Variants in HPSE2 observed in about 807,000 individuals in gnomAD.
The protein encoded by HPSE2 is heparanase 2 (inactive), also known as inactive heparanase-2.
Under a neutral mutation model 60.5 loss-of-function variants are expected in HPSE2, and 38 were observed. The ratio of observed to expected loss-of-function variants is 0.63; its 90% CI spans 0.48 to 0.82. The LOEUF (loss-of-function observed/expected upper bound fraction) is 0.82, where lower values mean the gene tolerates loss of function less well. Ranked by LOEUF, HPSE2 falls within the 40% of genes least tolerant of loss-of-function variation. The pLI, the probability that HPSE2 is intolerant of heterozygous loss-of-function variation, is 0.00. For missense variants in HPSE2, 713 were observed against 740.4 expected, an observed-to-expected ratio of 0.96 and a Z score of 0.43; for synonymous variants, 295 against 293.2, an observed-to-expected ratio of 1.01 and a Z score of -0.06.
chr10:98,879,852 C>CATGT (rs143018258), intron 3 of HPSE2, among the ~76,000 whole-genome samples: 5 of 145,676 alleles, frequency 3.4e-5, no homozygotes, highest in Non-Finnish European at 6.0e-5. Flanking sequence ...TGTGCATGTG[C>CATGT]GTGTGTGTGT....
intron 3 of HPSE2, among the ~76,000 whole-genome samples, chr10:99,136,738 T>C (rs925534563): frequency 2.0e-5 from 3 of 152,198 alleles, no homozygotes; most frequent in Admixed American, 1.3e-4. Context: ...ATGGAACATA[T>C]CTCAAAATAA....
chr10:99,167,820 T>C (rs977138771), intron 2 of HPSE2, among the ~76,000 whole-genome samples: 1 of 152,078 alleles, frequency 6.6e-6, no homozygotes, highest in East Asian at 1.9e-4. Context: ...AATCTATAGG[T>C]CACATCGAGA....
chr10:99,154,086 G>C (rs144184937), intron 2 of HPSE2, among the ~76,000 whole-genome samples: 71,631 of 147,632 alleles, frequency 0.49, 19,742 homozygotes, highest in East Asian at 0.65. Context: ...AAGCCTCCAA[G>C]AAATATGAGA....
intron 6 of HPSE2, among the ~76,000 whole-genome samples, chr10:98,681,118 A>G (rs1947776803): frequency 1.3e-5 from 2 of 152,098 alleles, no homozygotes; most frequent in African/African-American, 4.8e-5. Flanking sequence ...AAACAATTAA[A>G]GACAAATTAT....
rs190342444 is a variant in HPSE2, at chr10:99,025,923, T to C, written c.610+118315A>G. On this transcript the variant is annotated intron_variant, in intron 3 of 11. Coordinates refer to ENST00000370552, the MANE Select transcript of HPSE2 (RefSeq NM_021828.5). ...CAGGTTAAAATAATAGGTTATAAAA[T>C]AGTATTTGCAAGCCTCAGGTTACCC... 5.3e-5 allele frequency among the ~76,000 whole-genome samples: 8 copies of C among 151,978 alleles called. No individual in the cohort carries two copies. The East Asian group carries it at 1.4e-3, about 26-fold the overall frequency.
chr10:99,214,757 A>G (rs1175118980), intron 2 of HPSE2, among the ~76,000 whole-genome samples: 1 of 151,898 alleles, frequency 6.6e-6, no homozygotes, highest in Non-Finnish European at 1.5e-5. Context: ...GAAAAAAAAA[A>G]CCATCAAAAA....
At chr10:99,288,966 A>T in the HPSE2 span, among the ~76,000 whole-genome samples, 184 of 152,302 alleles carry the variant, frequency 1.2e-3, 1 homozygote, top group African/African-American at 4.1e-3. Context: ...TAGTATTAGT[A>T]ATCATTAAAA....
At chr10:98,533,624 T>A (rs1004667908) in intron 9 of HPSE2, among the ~76,000 whole-genome samples, 7 of 152,178 alleles carry the variant, frequency 4.6e-5, no homozygotes, top group Non-Finnish European at 1.0e-4. Flanking sequence ...AAACCTTAGA[T>A]CACTCCAGCA....
the HPSE2 span, among the ~76,000 whole-genome samples, chr10:99,247,792 T>C: frequency 1.3e-5 from 2 of 152,302 alleles, no homozygotes; most frequent in East Asian, 1.9e-4. Flanking sequence ...GATTGGACCA[T>C]GGGGGTGGAT....
chr10:99,140,104 T>C lies in HPSE2; in HGVS notation c.610+4134A>G, dbSNP rs565036793. 5.9e-5 allele frequency among the ~76,000 whole-genome samples: 9 copies of C among 152,358 alleles called. No individual in the cohort carries two copies. The South Asian group carries it at 1.9e-3, about 32-fold the overall frequency. On this transcript the variant is annotated intron_variant, in intron 3 of 11. Transcript: ENST00000370552. ...AGTAGCAATAGTCCCCAGATAATTA[T>C]GGTTTGTGCTAACTGAAAAAACAGT... is the stretch of plus-strand genomic sequence containing the variant.
chr10:98,629,566 T>C (rs2134007012), intron 7 of HPSE2, among the ~76,000 whole-genome samples: 1 of 152,350 alleles, frequency 6.6e-6, no homozygotes, highest in Middle Eastern at 3.4e-3. Context: ...CTCTGTCCTC[T>C]TCTTCCTCAC....
chr10:98,582,637 T>C (rs1463785628), intron 9 of HPSE2, among the ~76,000 whole-genome samples: 1 of 152,196 alleles, frequency 6.6e-6, no homozygotes, highest in Non-Finnish European at 1.5e-5. Context: ...AAGATTCCAC[T>C]TCTGAAGTTT....
At chr10:99,167,881 G>GTCTC (rs147629381) in intron 2 of HPSE2, among the ~76,000 whole-genome samples, 3 of 148,328 alleles carry the variant, frequency 2.0e-5, no homozygotes, top group African/African-American at 2.5e-5. Context: ...AACACATTTT[G>GTCTC]TCTCTCTCTC....
At chr10:98,616,783 A>G (rs1045477777) in intron 8 of HPSE2, among the ~76,000 whole-genome samples, 17 of 152,216 alleles carry the variant, frequency 1.1e-4, no homozygotes, top group African/African-American at 4.1e-4. Flanking sequence ...ATTGTGACCC[A>G]GGGAATTGAA....
intron 3 of HPSE2, among the ~76,000 whole-genome samples, chr10:98,776,296 A>G (rs1950338809): frequency 8.2e-6 from 1 of 122,194 alleles, no homozygotes; most frequent in Non-Finnish European, 1.8e-5. Context: ...AAAAAAAAAA[A>G]TTCAGCTGGG....
chr10:98,832,128 T>C (rs1951697199), intron 3 of HPSE2, among the ~76,000 whole-genome samples: 1 of 152,112 alleles, frequency 6.6e-6, no homozygotes, highest in Non-Finnish European at 1.5e-5. Flanking sequence ...AATATCTAAC[T>C]GCTAAAGAGG....
chr10:98,878,048 T>C (rs1952923870), intron 3 of HPSE2, among the ~76,000 whole-genome samples: 1 of 151,896 alleles, frequency 6.6e-6, no homozygotes, highest in South Asian at 2.1e-4. Flanking sequence ...GAACTTCCAC[T>C]TCCAGCTGAG....
intron 3 of HPSE2, among the ~76,000 whole-genome samples, chr10:98,826,075 T>A (rs1055405156): frequency 1.6e-4 from 24 of 152,224 alleles, no homozygotes; most frequent in African/African-American, 5.5e-4. Context: ...GTAGTTTAAT[T>A]CTCTGCATTG....
chr10:99,267,101 C>A, the HPSE2 span, among the ~76,000 whole-genome samples: 2 of 152,008 alleles, frequency 1.3e-5, no homozygotes, highest in African/African-American at 4.8e-5. Flanking sequence ...TTCTTTAACA[C>A]CCCCCAAAAG....
Sources: gnomAD v4.1 joint callset for allele counts (sites outside exome capture counted in the v4.1 genomes callset) on GRCh38, gnomAD v4.1.1 for gene constraint, MANE v1.5 for transcripts, NCBI Gene and HGNC (gene_info 2026-07-23, HGNC 2026-07-21) for gene names.